Variants in DYNC2I1 observed in about 807,000 individuals in gnomAD.
DYNC2I1 encodes the protein cytoplasmic dynein 2 intermediate chain 1.
Under a neutral mutation model 133.4 loss-of-function variants are expected in DYNC2I1, and 89 were observed. The ratio of observed to expected loss-of-function variants is 0.67; its 90% confidence interval spans 0.56 to 0.80. The LOEUF (loss-of-function observed/expected upper bound fraction) is 0.80. Ranked by LOEUF, DYNC2I1 falls within the 30% of genes least tolerant of loss-of-function variation. The pLI is 0.00. For missense variants in DYNC2I1, 1,291 were observed against 1,314.5 expected, an observed-to-expected ratio of 0.98 and a Z score of 0.28; for synonymous variants, 504 against 484.3, an observed-to-expected ratio of 1.04 and a Z score of -0.54.
intron 11 of DYNC2I1, among the ~76,000 whole-genome samples, chr7:158,911,141 C>T (rs1847424763): frequency 6.6e-6 from 1 of 152,216 alleles, no homozygotes; most frequent in Non-Finnish European, 1.5e-5. Flanking sequence ...AAAACACTTA[C>T]TGGCTGCGTG....
intron 23 of DYNC2I1, among the ~76,000 whole-genome samples, chr7:158,937,622 GAAA>G (rs71189438): frequency 3.7e-5 from 4 of 109,466 alleles, no homozygotes; most frequent in Admixed American, 9.7e-5. Context: ...ACTGTCTCAA[GAAA>G]AAAAAAAAAA....
chr7:158,897,153 T>A (rs1288555280), intron 8 of DYNC2I1, among the ~76,000 whole-genome samples: 1 of 151,860 alleles, frequency 6.6e-6, no homozygotes, highest in African/African-American at 2.4e-5. Context: ...CCAGCTAATT[T>A]TTGTATTTTT....
chr7:158,921,093 G>A (rs979542466), intron 15 of DYNC2I1, among the ~76,000 whole-genome samples: 2 of 152,198 alleles, frequency 1.3e-5, no homozygotes, highest in African/African-American at 2.4e-5. Flanking sequence ...GCTGGGTCAA[G>A]TAGGCTCTGC....
Position 158,914,395 on chromosome 7 carries a change from C to T in DYNC2I1, c.1791+74C>T, listed in dbSNP as rs76246496. The T allele has an allele frequency of 7.8e-6, 9 of 1,157,468 alleles. No homozygotes were observed. The East Asian group carries it at 2.1e-4, about 26-fold the overall frequency. 71.7% of individuals were successfully genotyped at this position (1,157,468 alleles called of 1,614,324 possible). A position where few individuals can be genotyped will look rare whatever the true frequency, so the allele number is the denominator to read the frequency against. On this transcript the variant is annotated intron_variant, in intron 14 of 24. Transcript: ENST00000407559. ...TTCATTCTACATAGAAACATAGGAG[C>T]TTTTAAGATCTTAAAGTCTTTGTAG...
At chr7:158,923,797 AG>A (rs1249651153) in intron 17 of DYNC2I1, 64 bp downstream of exon 17, 1 of 1,557,004 alleles carries the variant, frequency 6.4e-7, no homozygotes, top group Non-Finnish European at 8.7e-7. Context: ...TGAGGAACAA[AG>A]CTTTACATGG....
At chr7:158,852,600 G>A (rs939949165), upstream of DYNC2I1, among the ~76,000 whole-genome samples, 25 of 151,832 alleles carry the variant, frequency 1.6e-4, no homozygotes, top group East Asian at 3.9e-4. Flanking sequence ...TTAGCCAGGC[G>A]TGGTGGGAGG....
At chr7:158,917,901 A>G (rs1479902921) in intron 14 of DYNC2I1, among the ~76,000 whole-genome samples, 1 of 151,986 alleles carries the variant, frequency 6.6e-6, no homozygotes, top group Non-Finnish European at 1.5e-5. Context: ...AATCCTATCA[A>G]TTCTCACTCA....
intron 14 of DYNC2I1, among the ~76,000 whole-genome samples, chr7:158,915,085 C>T (rs76903829): frequency 1.9e-4 from 24 of 127,432 alleles, no homozygotes; most frequent in Non-Finnish European, 1.5e-4. Context: ...TGTGAAACCT[C>T]GACATGCTGG....
At chr7:158,951,917 T>C (rs144348332) in intron 4 of DYNC2I1, among the ~76,000 whole-genome samples, 2 of 152,296 alleles carry the variant, frequency 1.3e-5, no homozygotes, top group East Asian at 3.9e-4. Context: ...TTCTGGAGCC[T>C]CCGTGTTGAC....
chr7:158,954,089 C>G (rs941230215), intron 4 of DYNC2I1, among the ~76,000 whole-genome samples: 2 of 152,100 alleles, frequency 1.3e-5, no homozygotes, highest in African/African-American at 4.8e-5. Flanking sequence ...CTCACGTGAT[C>G]TGGTGGTTTT....
At chr7:158,862,901 C>T (rs574717029) in intron 1 of DYNC2I1, among the ~76,000 whole-genome samples, 53 of 151,906 alleles carry the variant, frequency 3.5e-4, no homozygotes, top group African/African-American at 1.3e-3. Context: ...CGTTACAGCT[C>T]TTAAAGATGG....
At chr7:158,901,670 C>T (rs1405828806) in intron 8 of DYNC2I1, 69 bp from the exon 9 acceptor site, 2 of 974,240 alleles carry the variant, frequency 2.1e-6, no homozygotes, top group Non-Finnish European at 3.1e-6. Flanking sequence ...TATATGTTTT[C>T]CCAATCTATT....
intron 8 of DYNC2I1, among the ~76,000 whole-genome samples, chr7:158,899,865 A>G (rs1488308249): frequency 3.3e-5 from 5 of 152,198 alleles, no homozygotes; most frequent in Admixed American, 6.5e-5. Flanking sequence ...TGTCTTTATC[A>G]GCAGTGTGAA....
intron 1 of DYNC2I1, among the ~76,000 whole-genome samples, chr7:158,859,965 TTAGTA>T (rs1841727298): frequency 6.6e-6 from 1 of 152,164 alleles, no homozygotes; most frequent in Non-Finnish European, 1.5e-5. Context: ...ATAGAATTAA[TTAGTA>T]TAGTCTATTT....
At chr7:158,921,233 G>A (rs1849048638) in intron 15 of DYNC2I1, among the ~76,000 whole-genome samples, 1 of 152,182 alleles carries the variant, frequency 6.6e-6, no homozygotes, top group South Asian at 2.1e-4. Context: ...CGGGCCACAG[G>A]GAGATGGGAG....
chr7:158,914,728 A>G (rs1434899900), intron 14 of DYNC2I1, among the ~76,000 whole-genome samples: 1 of 152,236 alleles, frequency 6.6e-6, no homozygotes, highest in Non-Finnish European at 1.5e-5. Context: ...GAGACATGGA[A>G]CAGTCCTGTG....
rs562190554 is a variant in DYNC2I1 at position 158,926,803 on chromosome 7, C to T, written c.2434-189C>T. ...ATTAAGTCACCAAGTGAAGAGAACA[C>T]GAGGAGATCAAAGCAAAGGAGTCAA... On this transcript the variant is annotated intron_variant, in intron 19 of 24. Transcript: ENST00000407559. 3.9e-5 allele frequency among the ~76,000 whole-genome samples: 6 copies of T among 152,238 alleles called. No homozygotes were observed. The South Asian group carries it at 6.2e-4, about 16-fold the overall frequency.
chr7:158,882,498 A>T (rs372138442), intron 5 of DYNC2I1, among the ~76,000 whole-genome samples: 135 of 152,246 alleles, frequency 8.9e-4, no homozygotes, highest in African/African-American at 3.2e-3. Context: ...TGGGAGGATC[A>T]CTTGAGCCGA....
At chr7:158,915,643 A>G (rs1848097123) in intron 14 of DYNC2I1, among the ~76,000 whole-genome samples, 2 of 138,722 alleles carry the variant, frequency 1.4e-5, no homozygotes, top group African/African-American at 2.8e-5. Context: ...TGATTGTGAA[A>G]CCTCGACACG....
Sources: gnomAD v4.1 joint callset for allele counts (sites outside exome capture counted in the v4.1 genomes callset) on GRCh38, gnomAD v4.1.1 for gene constraint, MANE v1.5 for transcripts, NCBI Gene and HGNC (gene_info 2026-07-23, HGNC 2026-07-21) for gene names.